Variants in CEP192 observed in about 807,000 individuals in gnomAD.
CEP192 encodes centrosomal protein 192.
A neutral mutation model predicts 271.8 loss-of-function variants in CEP192; 151 were observed. The ratio of observed to expected loss-of-function variants is 0.56; its 90% CI spans 0.49 to 0.64. The LOEUF is 0.64. Among genes scored for constraint, CEP192 ranks in the 30% least tolerant of loss-of-function variants. CEP192 has a pLI of 0.00. For missense variants in CEP192, 2,910 were observed against 3,020.5 expected, an observed-to-expected ratio of 0.96 and a Z score of 0.86; for synonymous variants, 995 against 1,076.5, an observed-to-expected ratio of 0.92 and a Z score of 1.48.
intron 3 of CEP192, among the ~76,000 whole-genome samples, chr18:13,005,560 G>A (rs2033930253): frequency 6.6e-6 from 1 of 152,182 alleles, no homozygotes; most frequent in African/African-American, 2.4e-5. Flanking sequence ...GGTCTTGTTG[G>A]TCCTTGTTGA....
intron 3 of CEP192, 121 bp downstream of exon 3, chr18:13,001,703 GT>G: frequency 1.8e-6 from 2 of 1,085,638 alleles, no homozygotes; most frequent in Non-Finnish European, 2.5e-6. Flanking sequence ...ATCTTGAAGA[GT>G]TTTCTTTTAT....
At chr18:13,067,796 CT>C in intron 21 of CEP192, 34 bp from the exon 22 acceptor site, 3 of 1,565,066 alleles carry the variant, frequency 1.9e-6, no homozygotes, top group Non-Finnish European at 2.6e-6. Flanking sequence ...TAATATATTG[CT>C]TTTCATAAAT....
chr18:13,095,426 A>C, intron 34 of CEP192, 77 bp from the exon 35 acceptor site: 8 of 1,028,166 alleles, frequency 7.8e-6, no homozygotes, highest in African/African-American at 1.6e-5. Flanking sequence ...ATGTGATACA[A>C]TCTGGCCTTT....
intron 1 of CEP192, among the ~76,000 whole-genome samples, chr18:12,995,534 A>G (rs796670196): frequency 5.3e-5 from 8 of 152,212 alleles, no homozygotes; most frequent in African/African-American, 1.9e-4. Context: ...CATTCACTCA[A>G]GTTTATTGAG....
At position 13,116,645 on chromosome 18, in the gene CEP192, TG is replaced by T. The variant is rs2040444415; in HGVS notation, c.7416+143del. On this transcript the variant is annotated intron_variant, in intron 43 of 44. Coordinates refer to ENST00000506447, the MANE Select transcript of CEP192 (RefSeq NM_032142.4). Reference sequence around the variant, plus strand: ...TCTTTTTTTGGAGATGGAGTCTCGCTGTCGCCCAGGCTGAAGTGCAGTGGTG... The same window carrying T: ...TCTTTTTTTGGAGATGGAGTCTCGCTTCGCCCAGGCTGAAGTGCAGTGGTG... 8.0e-6 allele frequency: 6 copies of T among 748,924 alleles called. No homozygotes were observed. In the African/African-American group the frequency reaches 1.1e-4, roughly 14 times the overall value. The allele number at this position is 748,924 out of a possible 1,614,324, so 46.4% of individuals were successfully genotyped here.
At chr18:12,999,620 G>T in intron 2 of CEP192, 32 bp downstream of exon 2, 1 of 1,482,826 alleles carries the variant, frequency 6.7e-7, no homozygotes. Flanking sequence ...TTTTTTCCAG[G>T]TCCATAAAGC....
At chr18:13,036,145 C>CA (rs55837148) in intron 11 of CEP192, among the ~76,000 whole-genome samples, 20,787 of 132,834 alleles carry the variant, frequency 0.16, 1,557 homozygotes, top group Middle Eastern at 0.26. Flanking sequence ...GACCTTGTCT[C>CA]AAAAAAAAAA....
chr18:13,072,618 C>T, intron 28 of CEP192, 137 bp from the exon 29 acceptor site: 1 of 659,546 alleles, frequency 1.5e-6, no homozygotes, highest in Non-Finnish European at 2.7e-6. Context: ...TGTGGGGAGA[C>T]AATTCCAGGC....
At chr18:13,004,288 G>C (rs973751476) in intron 3 of CEP192, among the ~76,000 whole-genome samples, 1 of 146,522 alleles carries the variant, frequency 6.8e-6, no homozygotes, top group African/African-American at 2.6e-5. Context: ...AGTGGGTGAA[G>C]AGAAGTTTCA....
At chr18:13,051,432 A>T (rs910344346) in intron 17 of CEP192, among the ~76,000 whole-genome samples, 6 of 152,188 alleles carry the variant, frequency 3.9e-5, no homozygotes, top group Non-Finnish European at 7.3e-5. Flanking sequence ...GGTTCATGTC[A>T]TGCGGGAGCT....
chr18:13,095,746 G>C (rs2144799790), intron 35 of CEP192, 65 bp downstream of exon 35: 1 of 1,398,394 alleles, frequency 7.2e-7, no homozygotes, highest in African/African-American at 1.4e-5. Context: ...CTCCCATTGT[G>C]CCCATGGCCT....
At chr18:13,038,062 C>T (rs2036005702) in intron 12 of CEP192, among the ~76,000 whole-genome samples, 1 of 152,090 alleles carries the variant, frequency 6.6e-6, no homozygotes, top group Admixed American at 6.5e-5. Flanking sequence ...TGGTCTTGAA[C>T]TCCTGGGCTC....
Position 13,001,592 on chromosome 18 carries a change from T to C in CEP192, c.290+10T>C. 6.5e-7 allele frequency: 1 copy of C among 1,543,144 alleles called. No homozygotes were observed. Among genetic ancestry groups the C allele is most frequent in the Non-Finnish European group, 8.7e-7 (1 of 1,144,790 alleles). On this transcript the variant is annotated intron_variant, in intron 3 of 44. Coordinates refer to ENST00000506447, the MANE Select transcript of CEP192 (RefSeq NM_032142.4). ...GCTTCCAGGATGATGAGTAAGTTCA[T>C]ACCTTCATTTGCTTGTACTGTGTTA...
chr18:13,113,548 A>G, intron 40 of CEP192, 38 bp from the exon 41 acceptor site: 1 of 1,596,998 alleles, frequency 6.3e-7, no homozygotes, highest in African/African-American at 1.3e-5. Flanking sequence ...GTGTTTAATG[A>G]TCAGTGTCTA....
intron 4 of CEP192, among the ~76,000 whole-genome samples, chr18:13,011,216 G>A: frequency 8.0e-6 from 1 of 124,350 alleles, no homozygotes; most frequent in African/African-American, 3.4e-5. Context: ...GACAGAGAGA[G>A]ACTCTGTCTC....
Position 13,117,679 on chromosome 18 carries a change from G to A in CEP192, c.7475+36G>A, listed in dbSNP as rs191486877. The stretch of plus-strand genomic sequence containing the variant: ...CGCAGATCACAGTGTTCTCATCAGC[G>A]ATGCAGGACTTTCGTCTCTTGGGAG... On this transcript the variant is annotated intron_variant, in intron 44 of 44. Transcript: ENST00000506447. 141 of 1,532,966 alleles carry A rather than the reference G, an allele frequency of 9.2e-5. 2 individuals carry two copies. In the Middle Eastern group the frequency reaches 1.0e-3, roughly 11 times the overall value. The allele number at this position is 1,532,966 out of a possible 1,614,324, so 95.0% of individuals were successfully genotyped here.
At chr18:13,057,210 C>T (rs1257040310) in intron 19 of CEP192, among the ~76,000 whole-genome samples, 2 of 151,146 alleles carry the variant, frequency 1.3e-5, no homozygotes, top group African/African-American at 4.9e-5. Context: ...AAATCTGATA[C>T]GTGTCCACAT....
intron 30 of CEP192, among the ~76,000 whole-genome samples, chr18:13,083,026 C>T (rs576805889): frequency 1.3e-5 from 2 of 152,278 alleles, no homozygotes; most frequent in South Asian, 2.1e-4. Context: ...GTGGGTAACC[C>T]GACCTTTGTC....
At chr18:13,053,229 G>C (rs2036898332) in intron 18 of CEP192, 139 bp downstream of exon 18, 1 of 724,926 alleles carries the variant, frequency 1.4e-6, no homozygotes, top group Non-Finnish European at 2.2e-6. Context: ...TTGTATTTGT[G>C]TGCACATATT....
Sources: allele counts gnomAD v4.1 joint callset (sites outside exome capture counted in the v4.1 genomes callset), GRCh38; gene constraint gnomAD v4.1.1; transcripts MANE v1.5; gene names NCBI Gene and HGNC (gene_info 2026-07-23, HGNC 2026-07-21).